Variants in PPIP5K2 observed in about 807,000 individuals in gnomAD.
The protein encoded by PPIP5K2 is inositol hexakisphosphate and diphosphoinositol-pentakisphosphate kinase 2.
PPIP5K2 carries 105 observed loss-of-function variants against 154.6 expected under a neutral mutation model. That is an observed-to-expected ratio of 0.68 (90% CI 0.58 to 0.80). The LOEUF (loss-of-function observed/expected upper bound fraction) is 0.80. Among genes scored for constraint, PPIP5K2 ranks in the 30% least tolerant of loss-of-function variants. PPIP5K2 has a pLI of 0.00. For synonymous variants in PPIP5K2, 480 were observed against 490.3 expected, an observed-to-expected ratio of 0.98 and a Z score of 0.28; for missense variants, 992 against 1,504.6, an observed-to-expected ratio of 0.66 and a Z score of 5.64.
Position 103,136,793 on chromosome 5 carries a change from C to T in PPIP5K2, c.372C>T (p.Asp124=), listed in dbSNP as rs114517746. 3,719 of 1,613,514 alleles carry T rather than the reference C, an allele frequency of 2.3e-3. 67 individuals carry two copies. The African/African-American group carries it at 0.044, about 19-fold the overall frequency. ...AKLRNPFVIN[D]LNMQYLIQDR... ...TCAGGAATCCATTTGTAATCAATGA[C>T]TTGAATATGCAGTATCTCATACAAG... Residue 124 remains aspartate (D), a synonymous_variant, in exon 4 of 31, where the codon GAC becomes GAT. Coordinates refer to ENST00000358359, the MANE Select transcript of PPIP5K2 (RefSeq NM_001276277.3).
At chr5:103,161,544 C>T (rs1580263246) in intron 17 of PPIP5K2, among the ~76,000 whole-genome samples, 1 of 152,130 alleles carries the variant, frequency 6.6e-6, no homozygotes, top group African/African-American at 2.4e-5. Context: ...TACTGTCTTC[C>T]ACAATGGTTG....
intron 30 of PPIP5K2, among the ~76,000 whole-genome samples, chr5:103,200,350 A>G (rs998808759): frequency 2.0e-5 from 3 of 152,032 alleles, no homozygotes; most frequent in South Asian, 4.2e-4. Context: ...GCCATTGTAC[A>G]TGGTGCATAT....
intron 8 of PPIP5K2, among the ~76,000 whole-genome samples, chr5:103,150,833 G>A (rs1319644107): frequency 3.8e-5 from 5 of 131,186 alleles, no homozygotes; most frequent in Middle Eastern, 4.8e-3. Context: ...TATTCTCCAC[G>A]TCCATCCTCC....
chr5:103,201,745 T>G lies in PPIP5K2; in HGVS notation c.*111T>G, dbSNP rs1180348242. The G allele has an allele frequency of 1.3e-6, 1 of 792,956 alleles. No individual in the cohort carries two copies. The highest frequency in any genetic ancestry group is 2.0e-6 in the Non-Finnish European group (1 of 498,398). 49.1% of individuals were successfully genotyped at this position (792,956 alleles called of 1,614,324 possible). A position where few individuals can be genotyped will look rare whatever the true frequency, so the allele number is the denominator to read the frequency against. On this transcript the variant is annotated 3_prime_UTR_variant, in exon 31 of 31. Transcript: ENST00000358359. ...AAATGTTTTTAAATCTAAGGTTTTC[T>G]TTGTTTATGTTCAGGTAAGGAACTG...
intron 17 of PPIP5K2, among the ~76,000 whole-genome samples, chr5:103,165,492 C>G (rs1200954635): frequency 1.3e-5 from 2 of 152,012 alleles, no homozygotes; most frequent in African/African-American, 4.8e-5. Context: ...CTTGTTATGA[C>G]ATGTCTGAAC....
chr5:103,152,880 T>C (rs1583314751), intron 10 of PPIP5K2, 131 bp downstream of exon 10: 3 of 581,720 alleles, frequency 5.2e-6, no homozygotes, highest in East Asian at 3.0e-5. Context: ...AGCTTGAAGA[T>C]AGAGGAGTAG....
chr5:103,197,219 C>G, intron 30 of PPIP5K2, among the ~76,000 whole-genome samples: 1 of 151,910 alleles, frequency 6.6e-6, no homozygotes, highest in Admixed American at 6.6e-5. Flanking sequence ...GAAGTGCTTT[C>G]TATTTTCTGA....
chr5:103,147,789 T>A, intron 6 of PPIP5K2, 142 bp from the exon 7 acceptor site: 1 of 583,976 alleles, frequency 1.7e-6, no homozygotes. Context: ...ATAGTAAGTT[T>A]TGTTAAATAT....
At position 103,182,286 on chromosome 5, in the gene PPIP5K2, T is replaced by G. The variant is rs186749326; in HGVS notation, c.2923-948T>G. The stretch of plus-strand genomic sequence containing the variant: ...GTCTTCATTTTGCAACTCATCTATA[T>G]TTATAAAACCTCTAACAAAATCACT... On this transcript the variant is annotated intron_variant, in intron 24 of 30. Transcript: ENST00000358359. Among the ~76,000 whole-genome samples, 606 of 152,312 alleles carry G rather than the reference T, an allele frequency of 4.0e-3. 2 individuals carry two copies. The highest frequency in any genetic ancestry group is 0.014 in the Middle Eastern group (4 of 294).
rs571925288 is a variant in PPIP5K2 at position 103,209,544 on chromosome 5, A to G, written c.*7910A>G. On this transcript the variant is annotated 3_prime_UTR_variant, in exon 31 of 31. Transcript: ENST00000358359. ...TAGATACCCATTTTAAAGCAGTTAGAAAGATGTAACTTGACAAGGAAAGCA... is the reference window on the plus strand; with the variant it reads ...TAGATACCCATTTTAAAGCAGTTAGGAAGATGTAACTTGACAAGGAAAGCA... 1 of 152,314 alleles carries G rather than the reference A, an allele frequency of 6.6e-6. No individual in the cohort carries two copies. Among genetic ancestry groups the G allele is most frequent in the Non-Finnish European group, 1.5e-5 (1 of 68,020 alleles). 9.4% of individuals were successfully genotyped at this position (152,314 alleles called of 1,614,324 possible).
rs114089885 is a variant in PPIP5K2 at position 103,190,744 on chromosome 5, C to T, written c.3353-98C>T. On this transcript the variant is annotated intron_variant, in intron 28 of 30. Coordinates refer to ENST00000358359, the MANE Select transcript of PPIP5K2 (RefSeq NM_001276277.3). ...TTTGCATGTGATAGACTGAAAAGACCTAAACTGTCCAGTTCTAAGCAGTAG... is the reference window on the plus strand; with the variant it reads ...TTTGCATGTGATAGACTGAAAAGACTTAAACTGTCCAGTTCTAAGCAGTAG... 1,316 of 1,130,340 alleles carry T rather than the reference C, an allele frequency of 1.2e-3. 14 individuals are homozygous for T. In the African/African-American group the frequency reaches 0.017, roughly 15 times the overall value. The allele number at this position is 1,130,340 out of a possible 1,614,324, so 70.0% of individuals were successfully genotyped here.
intron 8 of PPIP5K2, among the ~76,000 whole-genome samples, chr5:103,150,207 C>G (rs1355204862): frequency 1.3e-5 from 2 of 151,888 alleles, no homozygotes; most frequent in African/African-American, 2.4e-5. Context: ...TTATTTTGTG[C>G]CTTAATAATT....
chr5:103,186,635 A>G (rs567075484), intron 27 of PPIP5K2, among the ~76,000 whole-genome samples, 196 bp downstream of exon 27: 35 of 152,316 alleles, frequency 2.3e-4, no homozygotes, highest in African/African-American at 8.4e-4. Flanking sequence ...TTGTAGTTAG[A>G]TTTACAGTAC....
rs1271371209 is a variant in PPIP5K2 at position 103,206,498 on chromosome 5, G to C, written c.*4864G>C. The C allele has an allele frequency of 6.6e-6, 1 of 152,128 alleles. No homozygotes were observed. Among genetic ancestry groups the C allele is most frequent in the African/African-American group, 2.4e-5 (1 of 41,392 alleles). 9.4% of individuals were successfully genotyped at this position (152,128 alleles called of 1,614,324 possible). A position where few individuals can be genotyped will look rare whatever the true frequency, so the allele number is the denominator to read the frequency against. On this transcript the variant is annotated 3_prime_UTR_variant, in exon 31 of 31. Transcript: ENST00000358359. ...GATTCCCATGACCTTACTGACCCTA[G>C]AGCAGATGATGGAGTCAGTTTTTCC...
At chr5:103,136,652 G>A (rs185881317) in intron 3 of PPIP5K2, 80 bp from the exon 4 acceptor site, 1 of 1,017,956 alleles carries the variant, frequency 9.8e-7, no homozygotes, top group African/African-American at 1.6e-5. Context: ...TTTTATGGGA[G>A]GTGGCATCAA....
Position 103,177,793 on chromosome 5 carries a change from T to C in PPIP5K2, c.2637+19T>C, listed in dbSNP as rs147000182. Reference sequence around the variant, plus strand: ...TAATAAGGTAAACAGAGCTCTTGATTTGTGTTTTACCAGACATAAATAAAG... The same window carrying C: ...TAATAAGGTAAACAGAGCTCTTGATCTGTGTTTTACCAGACATAAATAAAG... On this transcript the variant is annotated intron_variant, in intron 22 of 30. Transcript: ENST00000358359. 2.3e-5 allele frequency: 36 copies of C among 1,597,456 alleles called. No individual in the cohort carries two copies. The East Asian group carries it at 8.1e-4, about 36-fold the overall frequency.
At chr5:103,122,444 A>G (rs1293125721) in intron 1 of PPIP5K2, among the ~76,000 whole-genome samples, 3 of 152,190 alleles carry the variant, frequency 2.0e-5, no homozygotes, top group African/African-American at 7.2e-5. Context: ...GGCAGAAGGA[A>G]ATGCAGGTTC....
chr5:103,145,756 G>C (rs1425687395), intron 5 of PPIP5K2, among the ~76,000 whole-genome samples: 1 of 149,670 alleles, frequency 6.7e-6, no homozygotes, highest in Non-Finnish European at 1.5e-5. Flanking sequence ...GGGATGAAGT[G>C]AGGATAGTTA....
intron 3 of PPIP5K2, 145 bp downstream of exon 3, chr5:103,133,793 C>T: frequency 1.6e-6 from 1 of 608,712 alleles, no homozygotes. Context: ...TGATATATTT[C>T]TTTCCAGTGT....
Sources: allele counts gnomAD v4.1 joint callset (sites outside exome capture counted in the v4.1 genomes callset), GRCh38; gene constraint gnomAD v4.1.1; transcripts MANE v1.5; gene names NCBI Gene and HGNC (gene_info 2026-07-23, HGNC 2026-07-21).